The following OS9 variants were observed in gnomAD, a reference collection of about 807,000 sequenced individuals.
OS9 encodes protein OS-9.
In OS9, 58 loss-of-function variants were observed where a neutral mutation model predicts 84.7. The observed-to-expected ratio is 0.68, with a 90% CI of 0.55 to 0.85. OS9 has a LOEUF of 0.85. Ranked by LOEUF, OS9 falls within the 40% of genes least tolerant of loss-of-function variation. OS9 has a pLI of 0.00. For missense variants in OS9, 760 were observed against 850.9 expected (o/e 0.89, Z 1.33); for synonymous variants, 278 against 320.8 (o/e 0.87, Z 1.43).
At position 57,716,609 on chromosome 12, in the gene OS9, G is replaced by A. The variant is rs1954506941; in HGVS notation, c.994-84G>A. On this transcript the variant is annotated intron_variant, in intron 8 of 14. Transcript: ENST00000315970. ...GACCTACATCTACCTAGGGATGCAA[G>A]GATATCCCCAGAACCTTTGCCTTCA... 5.3e-6 allele frequency: 8 copies of A among 1,513,488 alleles called. No homozygotes were observed. In the South Asian group the frequency reaches 5.6e-5, roughly 11 times the overall value. 93.8% of individuals were successfully genotyped at this position (1,513,488 alleles called of 1,614,324 possible).
intron 7 of OS9, 96 bp from the exon 8 acceptor site, chr12:57,716,316 T>G: frequency 8.8e-7 from 1 of 1,141,924 alleles, no homozygotes; most frequent in Non-Finnish European, 1.3e-6. Context: ...CCCTCCTCCC[T>G]TGGTGATAGA....
chr12:57,716,049 G>A, intron 6 of OS9, 43 bp from the exon 7 acceptor site: 1 of 1,595,416 alleles, frequency 6.3e-7, no homozygotes, highest in South Asian at 1.1e-5. Context: ...TGAATAGCTG[G>A]AGGAATGTGT....
chr12:57,694,754 A>G lies in OS9; in HGVS notation c.167A>G (p.Gln56Arg), dbSNP rs1275574193. 3.1e-6 allele frequency: 5 copies of G among 1,613,594 alleles called. No homozygotes were observed. The highest frequency in any genetic ancestry group is 4.2e-6 in the Non-Finnish European group (5 of 1,179,954). ...CGACCCTCCCTTCTTTCCCAGAGCC[A>G]ATCTTCGGACGTGGTGATTGTCTCC... is the stretch of plus-strand genomic sequence containing the variant. ...LPLPVMGGQS[Q>R]SSDVVIVSSK... Residue 56 changes from glutamine to arginine, a missense_variant, in exon 2 of 15, where the codon CAA becomes CGA. Gln to Arg is a conservative substitution (Grantham distance 43, BLOSUM62 1). Coordinates refer to ENST00000315970, the MANE Select transcript of OS9 (RefSeq NM_006812.4).
chr12:57,719,316 C>T (rs1304799048), intron 12 of OS9, 134 bp downstream of exon 12: 3 of 698,262 alleles, frequency 4.3e-6, no homozygotes, highest in African/African-American at 3.6e-5. Context: ...GAACACTGTC[C>T]TCACTTGCGC....
rs1954631458 is a variant in OS9, at chr12:57,720,142, C to T, written c.1644C>T (p.Leu548=). The change falls in exon 13 of 15, where the codon CTC becomes CTT. Residue 548 remains leucine, a synonymous_variant. Transcript: ENST00000315970. ...GAGTCCGGGTCCGGGTCACCAAGCT[C>T]CGTCTCGGAGGCCCTAATCAGGATC... is the stretch of plus-strand genomic sequence containing the variant. ...EHRVRVRVTK[L]RLGGPNQDLT... is the part of the protein sequence containing the mutation. 1 of 1,614,050 alleles carries T rather than the reference C, an allele frequency of 6.2e-7. No individual in the cohort carries two copies. The highest frequency in any genetic ancestry group is 1.3e-5 in the African/African-American group (1 of 74,928).
Position 57,719,006 on chromosome 12 carries a change from T to C in OS9, c.1424T>C (p.Leu475Pro). ...TGGGTATTCCAGACAGAGAAAGAGC[T>C]GGACCCAGATGGGCTGAAGAAGGAG... The part of the protein sequence containing the change: ...ENIIQETEKE[L>P]DPDGLKKESE... Residue 475 changes from leucine (L) to proline (P), a missense_variant, in exon 12 of 15, where the codon CTG becomes CCG. Transcript: ENST00000315970. The C allele has an allele frequency of 6.2e-7, 1 of 1,613,472 alleles. No individual in the cohort carries two copies. Among genetic ancestry groups the C allele is most frequent in the Non-Finnish European group, 8.5e-7 (1 of 1,179,842 alleles).
chr12:57,720,766 T>G lies in OS9; in HGVS notation c.1879-18T>G, dbSNP rs759813219. 1.3e-6 allele frequency: 2 copies of G among 1,591,906 alleles called. No individual in the cohort carries two copies. The highest frequency in any genetic ancestry group is 1.7e-6 in the Non-Finnish European group (2 of 1,169,050). On this transcript the variant is annotated intron_variant, in intron 14 of 14. Coordinates refer to ENST00000315970, the MANE Select transcript of OS9 (RefSeq NM_006812.4). ...CAACGGCCAGTAGCTCCAGCCCACC[T>G]CTACCCTCTCCCACCAGGTGCCGGG... is the stretch of plus-strand genomic sequence containing the variant.
rs570852497 is a variant in OS9 at position 57,713,030 on chromosome 12, G to A, written c.580-2730G>A. 3.9e-5 allele frequency among the ~76,000 whole-genome samples: 6 copies of A among 152,166 alleles called. No homozygotes were observed. In the East Asian group the frequency reaches 5.8e-4, roughly 15 times the overall value. Reference sequence around the variant, plus strand: ...CCAGTTAATTGTGGGCCCCTTTGTCGGGCTAGTTTTTGAGGGCAATATATA... The same window carrying A: ...CCAGTTAATTGTGGGCCCCTTTGTCAGGCTAGTTTTTGAGGGCAATATATA... On this transcript the variant is annotated intron_variant, in intron 5 of 14. Transcript: ENST00000315970.
chr12:57,710,376 A>G lies in OS9; in HGVS notation c.580-5384A>G, dbSNP rs570647955. Among the ~76,000 whole-genome samples, 5 of 152,188 alleles carry G rather than the reference A, an allele frequency of 3.3e-5. No homozygotes were observed. The South Asian group carries it at 8.3e-4, about 25-fold the overall frequency. On this transcript the variant is annotated intron_variant, in intron 5 of 14. Coordinates refer to ENST00000315970, the MANE Select transcript of OS9 (RefSeq NM_006812.4). ...TTCATTCCTCATGGGTTATTTTTGC[A>G]TCACTAATTTGTTACTGGTCAGTCA...
intron 5 of OS9, among the ~76,000 whole-genome samples, chr12:57,711,879 A>C (rs1019230176): frequency 1.3e-5 from 2 of 152,246 alleles, no homozygotes; most frequent in African/African-American, 4.8e-5. Context: ...ACTTGAGCCC[A>C]GGAGTTTGAG....
intron 5 of OS9, among the ~76,000 whole-genome samples, chr12:57,697,596 A>C (rs1354606490): frequency 2.6e-5 from 4 of 152,136 alleles, no homozygotes; most frequent in African/African-American, 9.7e-5. Context: ...TTGGATATTG[A>C]AGGTTGAGGT....
chr12:57,721,028 TGGACCTCTC>T lies in OS9; in HGVS notation c.*122_*130del. 1.6e-6 allele frequency: 2 copies of T among 1,224,088 alleles called. No homozygotes were observed. The highest frequency in any genetic ancestry group is 2.3e-6 in the Non-Finnish European group (2 of 860,864). The allele number at this position is 1,224,088 out of a possible 1,614,324, so 75.8% of individuals were successfully genotyped here. ...CAAACAGCAGAGTGGAGCTGAGCTG[TGGACCTCTC>T]GGGCAACTCTGTGGGTGTGGGGGCC... is the stretch of plus-strand genomic sequence containing the variant. On this transcript the variant is annotated 3_prime_UTR_variant, in exon 15 of 15. Coordinates refer to ENST00000315970, the MANE Select transcript of OS9 (RefSeq NM_006812.4).
chr12:57,709,933 A>G lies in OS9; in HGVS notation c.580-5827A>G, dbSNP rs554174521. Reference sequence around the variant, plus strand: ...AGTGGCATGATCTCGGCTCACTGCAACCTCTGCCTCCCAGGTTCAAGAGAT... The same window carrying G: ...AGTGGCATGATCTCGGCTCACTGCAGCCTCTGCCTCCCAGGTTCAAGAGAT... On this transcript the variant is annotated intron_variant, in intron 5 of 14. Coordinates refer to ENST00000315970, the MANE Select transcript of OS9 (RefSeq NM_006812.4). Among the ~76,000 whole-genome samples, 299 of 151,990 alleles carry G rather than the reference A, an allele frequency of 2.0e-3. 1 individual carries two copies. The highest frequency in any genetic ancestry group is 6.9e-3 in the African/African-American group (285 of 41,436).
chr12:57,718,028 C>A, intron 10 of OS9, 70 bp downstream of exon 10: 1 of 1,528,820 alleles, frequency 6.5e-7, no homozygotes, highest in Non-Finnish European at 9.0e-7. Context: ...ACTACCCTGA[C>A]CTGGGACTCA....
chr12:57,718,879 TG>T, intron 11 of OS9, 113 bp from the exon 12 acceptor site: 1 of 769,448 alleles, frequency 1.3e-6, no homozygotes, highest in Non-Finnish European at 2.2e-6. Flanking sequence ...TACTCCAGCC[TG>T]GGTGATAAGC....
intron 5 of OS9, among the ~76,000 whole-genome samples, chr12:57,702,755 C>CT (rs376886734): frequency 1.3e-5 from 2 of 151,920 alleles, no homozygotes; most frequent in Admixed American, 1.3e-4. Flanking sequence ...TTTTCTTTTT[C>CT]TTTTTTTTCA....
In OS9 at chr12:57,720,034, C is replaced by A. The variant is rs1175783394; in HGVS notation, c.1601-65C>A. 5.4e-6 allele frequency: 8 copies of A among 1,483,934 alleles called. No individual in the cohort carries two copies. In the African/African-American group the frequency reaches 8.4e-5, roughly 16 times the overall value. The allele number at this position is 1,483,934 out of a possible 1,614,324, so 91.9% of individuals were successfully genotyped here. On this transcript the variant is annotated intron_variant, in intron 12 of 14. Transcript: ENST00000315970. ...ACTGATGTTTTAGGGGGAGATGACC[C>A]CCACACCCCTAACCCTGGAGTCACG...
rs1954672884 is a variant in OS9, at chr12:57,721,269, G to T, written c.*360G>T. On this transcript the variant is annotated 3_prime_UTR_variant, in exon 15 of 15. Coordinates refer to ENST00000315970, the MANE Select transcript of OS9 (RefSeq NM_006812.4). ...GGAGGTGGGTAGAGAGAGCAAGGAG[G>T]GCAGGACACTTAGCAGGCACTGAGC... 1 of 236,602 alleles carries T rather than the reference G, an allele frequency of 4.2e-6. No homozygotes were observed. Among genetic ancestry groups the T allele is most frequent in the South Asian group, 4.8e-5 (1 of 20,726 alleles). The allele number at this position is 236,602 out of a possible 1,614,324, so 14.7% of individuals were successfully genotyped here. A position where few individuals can be genotyped will look rare whatever the true frequency, so the allele number is the denominator to read the frequency against.
chr12:57,704,631 T>C (rs75290437), intron 5 of OS9, among the ~76,000 whole-genome samples: 1,724 of 152,334 alleles, frequency 0.011, 33 homozygotes, highest in African/African-American at 0.039. Context: ...CCTCACAGAA[T>C]AAGTTAGGAA....
Sources: gnomAD v4.1 joint callset for allele counts (sites outside exome capture counted in the v4.1 genomes callset) on GRCh38, gnomAD v4.1.1 for gene constraint, MANE v1.5 for transcripts, NCBI Gene and HGNC (gene_info 2026-07-23, HGNC 2026-07-21) for gene names.